Variants in DDX46 observed in about 807,000 individuals in gnomAD.
DDX46 encodes the protein probable ATP-dependent RNA helicase DDX46.
In DDX46, 30 loss-of-function variants were observed where a neutral mutation model predicts 134.9. The observed-to-expected ratio is 0.22, with a 90% confidence interval of 0.17 to 0.30. DDX46 has a LOEUF of 0.30. Ranked by LOEUF, DDX46 falls within the 10% of genes least tolerant of loss-of-function variation. The pLI, the probability that DDX46 is intolerant of heterozygous loss-of-function variation, is 1.00. For synonymous variants in DDX46, 415 were observed against 404.1 expected, an observed-to-expected ratio of 1.03 and a Z score of -0.32; for missense variants, 622 against 1,248.7, an observed-to-expected ratio of 0.50 and a Z score of 7.56.
At chr5:134,773,381 T>G (rs1019944356) in intron 4 of DDX46, among the ~76,000 whole-genome samples, 1 of 152,212 alleles carries the variant, frequency 6.6e-6, no homozygotes, top group African/African-American at 2.4e-5. Context: ...TTAGTTTCTG[T>G]TGTTAGGAAG....
intron 17 of DDX46, 85 bp downstream of exon 17, chr5:134,811,443 A>G: frequency 1.3e-6 from 2 of 1,511,278 alleles, no homozygotes. Flanking sequence ...TCTTTTATTT[A>G]ACACTTGAAA....
At chr5:134,799,940 CCAGAG>C (rs1195927316) in intron 15 of DDX46, among the ~76,000 whole-genome samples, 1 of 152,086 alleles carries the variant, frequency 6.6e-6, no homozygotes, top group Non-Finnish European at 1.5e-5. Context: ...CCCTACCCCT[CCAGAG>C]TTAACCACTT....
At chr5:134,824,143 G>T (rs1755528052) in intron 21 of DDX46, among the ~76,000 whole-genome samples, 1 of 152,082 alleles carries the variant, frequency 6.6e-6, no homozygotes, top group African/African-American at 2.4e-5. Context: ...CCACAGCTCC[G>T]ATGTAGTTTT....
chr5:134,790,131 G>GTGGC (rs1349984894), intron 12 of DDX46: 1 of 482,126 alleles, frequency 2.1e-6, no homozygotes, highest in Non-Finnish European at 4.1e-6. Context: ...AATGGCTGAT[G>GTGGC]TGGCTCGATG....
chr5:134,772,908 TCTC>T (rs1171595371), intron 4 of DDX46, among the ~76,000 whole-genome samples: 2 of 152,080 alleles, frequency 1.3e-5, no homozygotes, highest in East Asian at 1.9e-4. Flanking sequence ...TCGAAGCAAT[TCTC>T]CTGCTTCAGC....
intron 5 of DDX46, 24 bp downstream of exon 5, chr5:134,773,885 T>G (rs1346967946): frequency 1.3e-6 from 2 of 1,546,490 alleles, no homozygotes; most frequent in African/African-American, 1.4e-5. Context: ...CCTAATAGCC[T>G]GTATAACACC....
chr5:134,804,661 T>C (rs955504921), intron 15 of DDX46: 13 of 207,696 alleles, frequency 6.3e-5, no homozygotes, highest in Admixed American at 3.1e-4. Context: ...TTTGTCTTAA[T>C]AAATTATTTT....
At chr5:134,782,645 A>G (rs1325236690) in intron 8 of DDX46, among the ~76,000 whole-genome samples, 1 of 151,690 alleles carries the variant, frequency 6.6e-6, no homozygotes, top group Admixed American at 6.6e-5. Flanking sequence ...GGCTCAGGTG[A>G]TCTTCCTATG....
At chr5:134,805,292 T>C (rs890745901) in intron 15 of DDX46, among the ~76,000 whole-genome samples, 1 of 151,894 alleles carries the variant, frequency 6.6e-6, no homozygotes, top group African/African-American at 2.4e-5. Flanking sequence ...CTCAGCTTCC[T>C]GAGTCGCTGG....
At position 134,803,153 on chromosome 5, in the gene DDX46, C is replaced by T. The variant is rs551493096; in HGVS notation, c.1955-4595C>T. ...GGATGACAGGTGCGTGCCACCACGC[C>T]CAGCTAATTTTTGTGTTTTTAGTAG... On this transcript the variant is annotated intron_variant, in intron 15 of 22. Coordinates refer to ENST00000452510, the MANE Select transcript of DDX46 (RefSeq NM_001300860.2). 2.6e-5 allele frequency among the ~76,000 whole-genome samples: 4 copies of T among 152,104 alleles called. No individual in the cohort carries two copies. In the South Asian group the frequency reaches 8.3e-4, roughly 32 times the overall value.
chr5:134,817,438 G>A lies in DDX46; in HGVS notation c.2614-58G>A. ...TTTTCAGAGAATAATTTGTGGTGTG[G>A]TCCCTACTCTTGTCTCTGCCCTCAT... On this transcript the variant is annotated intron_variant, in intron 19 of 22. Transcript: ENST00000452510. 5 of 1,524,462 alleles carry A rather than the reference G, an allele frequency of 3.3e-6. No homozygotes were observed. The South Asian group carries it at 4.9e-5, about 15-fold the overall frequency. 94.4% of individuals were successfully genotyped at this position (1,524,462 alleles called of 1,614,324 possible). A position where few individuals can be genotyped will look rare whatever the true frequency, so the allele number is the denominator to read the frequency against.
intron 10 of DDX46, among the ~76,000 whole-genome samples, chr5:134,785,223 G>A (rs1036783313): frequency 6.6e-6 from 1 of 152,166 alleles, no homozygotes; most frequent in African/African-American, 2.4e-5. Flanking sequence ...TTTCCTGAGG[G>A]TTGGATGAGG....
intron 4 of DDX46, among the ~76,000 whole-genome samples, chr5:134,772,824 G>A (rs1192824782): frequency 6.6e-6 from 1 of 152,046 alleles, no homozygotes; most frequent in Non-Finnish European, 1.5e-5. Context: ...TTTTTGAGAC[G>A]GAGTTCTGCT....
intron 13 of DDX46, 48 bp from the exon 14 acceptor site, chr5:134,794,802 T>C: frequency 6.2e-7 from 1 of 1,603,118 alleles, no homozygotes; most frequent in Non-Finnish European, 8.5e-7. Context: ...GCATAAGCTT[T>C]GAAGACCATA....
intron 20 of DDX46, 123 bp from the exon 21 acceptor site, chr5:134,818,735 GGA>G (rs143733920): frequency 0.072 from 31,814 of 443,968 alleles, no homozygotes; most frequent in East Asian, 0.1. Context: ...ATATATATAT[GGA>G]GAGAGAGAGA....
intron 5 of DDX46, among the ~76,000 whole-genome samples, chr5:134,775,474 T>A (rs1268286100): frequency 6.6e-6 from 1 of 151,968 alleles, no homozygotes; most frequent in African/African-American, 2.4e-5. Context: ...TGCAGTGCCG[T>A]GATCTCGGCT....
chr5:134,770,307 C>A (rs1396320769), intron 3 of DDX46, among the ~76,000 whole-genome samples: 1 of 151,326 alleles, frequency 6.6e-6, no homozygotes, highest in Non-Finnish European at 1.5e-5. Context: ...AACTACTGGG[C>A]TCAAGTGATC....
chr5:134,770,875 T>C, intron 3 of DDX46, 28 bp from the exon 4 acceptor site: 1 of 1,557,930 alleles, frequency 6.4e-7, no homozygotes, highest in South Asian at 1.2e-5. Context: ...GAATGACATT[T>C]CTCTTGTCTC....
intron 15 of DDX46, among the ~76,000 whole-genome samples, chr5:134,801,121 G>GA (rs1220525585): frequency 6.6e-6 from 1 of 151,998 alleles, no homozygotes; most frequent in East Asian, 1.9e-4. Context: ...CCATCTCTAT[G>GA]AAAAAATTTA....
Sources: allele counts gnomAD v4.1 joint callset (sites outside exome capture counted in the v4.1 genomes callset), GRCh38; gene constraint gnomAD v4.1.1; transcripts MANE v1.5; gene names NCBI Gene and HGNC (gene_info 2026-07-23, HGNC 2026-07-21).